Variants in ARHGAP17 observed in about 807,000 individuals in gnomAD.
ARHGAP17 encodes the protein rho GTPase-activating protein 17.
In ARHGAP17, 57 loss-of-function variants were observed where a neutral mutation model predicts 99.5. That is an observed-to-expected ratio of 0.57 (90% CI 0.46 to 0.71). ARHGAP17 has a LOEUF of 0.71. Ranked by LOEUF, ARHGAP17 falls within the 30% of genes least tolerant of loss-of-function variation. ARHGAP17 has a pLI of 0.00. For missense variants in ARHGAP17, 1,000 were observed against 1,122.4 expected (o/e 0.89, Z 1.56); for synonymous variants, 417 against 429.6 (o/e 0.97, Z 0.36).
At chr16:24,972,967 C>T (rs921698369) in intron 3 of ARHGAP17, among the ~76,000 whole-genome samples, 23 of 150,708 alleles carry the variant, frequency 1.5e-4, no homozygotes, top group African/African-American at 5.6e-4. Context: ...CAGGGTCTGG[C>T]TCTGTTGCCC....
intron 14 of ARHGAP17, among the ~76,000 whole-genome samples, chr16:24,945,288 A>T (rs550491076): frequency 5.9e-4 from 90 of 151,784 alleles, no homozygotes; most frequent in African/African-American, 2.1e-3. Context: ...ACACCACTGC[A>T]CTCCAGCCTG....
chr16:24,931,610 A>C (rs1354295530), intron 18 of ARHGAP17, among the ~76,000 whole-genome samples: 1 of 152,110 alleles, frequency 6.6e-6, no homozygotes, highest in Non-Finnish European at 1.5e-5. Flanking sequence ...ACACAAATTG[A>C]AGGCCTTTCT....
chr16:25,003,387 A>G (rs2053423656), intron 1 of ARHGAP17, among the ~76,000 whole-genome samples: 1 of 151,704 alleles, frequency 6.6e-6, no homozygotes, highest in African/African-American at 2.4e-5. Context: ...GGTGTGCACC[A>G]CAATGCCTGG....
intron 16 of ARHGAP17, among the ~76,000 whole-genome samples, chr16:24,940,583 C>A (rs1392743354): frequency 6.6e-6 from 1 of 152,078 alleles, no homozygotes; most frequent in Non-Finnish European, 1.5e-5. Flanking sequence ...TGCCTATAGT[C>A]CCAGCTAGTC....
chr16:24,929,391 C>T (rs1172605649), intron 19 of ARHGAP17, among the ~76,000 whole-genome samples: 2 of 152,164 alleles, frequency 1.3e-5, no homozygotes, highest in East Asian at 3.8e-4. Context: ...CTACTGACAT[C>T]TACTCCTCGA....
intron 19 of ARHGAP17, 60 bp from the exon 20 acceptor site, chr16:24,920,320 G>A: frequency 6.3e-7 from 1 of 1,595,692 alleles, no homozygotes; most frequent in Non-Finnish European, 8.6e-7. Context: ...GAGGCCACCT[G>A]AGGGTGCTCT....
At chr16:24,927,504 C>T (rs1353508914) in intron 19 of ARHGAP17, among the ~76,000 whole-genome samples, 1 of 152,204 alleles carries the variant, frequency 6.6e-6, no homozygotes, top group African/African-American at 2.4e-5. Context: ...TGGGTACACA[C>T]TTAGTATTCC....
At position 24,929,561 on chromosome 16, in the gene ARHGAP17, T is replaced by C. The variant is rs1041944742; in HGVS notation, c.2515+1223A>G. The C allele has an allele frequency of 3.3e-5, 32 of 981,792 alleles. No individual in the cohort carries two copies. The South Asian group carries it at 3.8e-4, about 12-fold the overall frequency. 60.8% of individuals were successfully genotyped at this position (981,792 alleles called of 1,614,324 possible). A position where few individuals can be genotyped will look rare whatever the true frequency, so the allele number is the denominator to read the frequency against. ...TGCAAAACACGGCTAAGCAGGAGCATTTGGAGCTGTGGGGCGAGCTATGGG... is the reference window on the plus strand; with the variant it reads ...TGCAAAACACGGCTAAGCAGGAGCACTTGGAGCTGTGGGGCGAGCTATGGG... On this transcript the variant is annotated intron_variant, in intron 19 of 19. Coordinates refer to ENST00000289968, the MANE Select transcript of ARHGAP17 (RefSeq NM_001006634.3).
At chr16:24,982,986 ATATATATATATTTTTTT>A (rs1297035516) in intron 1 of ARHGAP17, among the ~76,000 whole-genome samples, 22 of 28,942 alleles carry the variant, frequency 7.6e-4, no homozygotes, top group East Asian at 1.9e-3. Context: ...ATATATATAT[ATATATATATATTTTTTT>A]TTTTTTTTTT....
At chr16:24,939,799 G>A (rs943868498) in intron 16 of ARHGAP17, 1 of 614,292 alleles carries the variant, frequency 1.6e-6, no homozygotes, top group Non-Finnish European at 2.9e-6. Context: ...AATGAACCTG[G>A]TACTGTTCAA....
At chr16:25,009,949 G>A (rs2053601084) in intron 1 of ARHGAP17, among the ~76,000 whole-genome samples, 1 of 152,190 alleles carries the variant, frequency 6.6e-6, no homozygotes, top group Non-Finnish European at 1.5e-5. Flanking sequence ...CTTCCCTGGT[G>A]AAGAGGCAGC....
intron 1 of ARHGAP17, among the ~76,000 whole-genome samples, chr16:25,004,210 G>A (rs2053447307): frequency 6.6e-6 from 1 of 152,138 alleles, no homozygotes; most frequent in Non-Finnish European, 1.5e-5. Context: ...AGTTGTTTGA[G>A]GCCAGGAGTT....
At chr16:24,998,533 G>A (rs1405081565) in intron 1 of ARHGAP17, among the ~76,000 whole-genome samples, 2 of 152,184 alleles carry the variant, frequency 1.3e-5, no homozygotes, top group African/African-American at 4.8e-5. Flanking sequence ...GGTCATCCAA[G>A]GAGAGAGGGT....
In ARHGAP17 at chr16:24,930,942, G is replaced by GCATGTGGCTGTGCAA. The variant is rs1382938180; in HGVS notation, c.2356_2357insTTGCACAGCCACATG (p.Thr786delinsIleAlaGlnProHisAla). Reference sequence around the variant, plus strand: ...TAAGGTTCCAGCATGTGGCTGTGCAGTTTCAGGGTTACCCCCTGCCAGGGT... The same window carrying GCATGTGGCTGTGCAA: ...TAAGGTTCCAGCATGTGGCTGTGCAGCATGTGGCTGTGCAATTTCAGGGTTACCCCCTGCCAGGGT... On this transcript the variant is annotated protein_altering_variant, in exon 19 of 20. Coordinates refer to ENST00000289968, the MANE Select transcript of ARHGAP17 (RefSeq NM_001006634.3). The GCATGTGGCTGTGCAA allele has an allele frequency of 6.2e-7, 1 of 1,613,898 alleles. No homozygotes were observed. Among genetic ancestry groups the GCATGTGGCTGTGCAA allele is most frequent in the East Asian group, 2.2e-5 (1 of 44,886 alleles).
chr16:24,919,736 G>A lies in ARHGAP17; in HGVS notation c.*394C>T, dbSNP rs541343506. The A allele has an allele frequency of 1.7e-4, 26 of 156,664 alleles. No homozygotes were observed. The highest frequency in any genetic ancestry group is 3.7e-4 in the East Asian group (2 of 5,374). 9.7% of individuals were successfully genotyped at this position (156,664 alleles called of 1,614,324 possible). On this transcript the variant is annotated 3_prime_UTR_variant, in exon 20 of 20. Transcript: ENST00000289968. ...AGAGTAGGCGACTTGCATAATGAGC[G>A]CATTTTATTAAATAGATAGTTAACG...
In ARHGAP17 at chr16:24,946,814, TTGTC is replaced by T. The variant is rs1220537142; in HGVS notation, c.1241+664_1241+667del. Among the ~76,000 whole-genome samples, 11 of 152,338 alleles carry T rather than the reference TTGTC, an allele frequency of 7.2e-5. No homozygotes were observed. In the East Asian group the frequency reaches 1.9e-3, roughly 27 times the overall value. ...ACTAACTGCCCTAGCCCATGCTCCT[TTGTC>T]TGGTCACGTTTTCACAATTTACTTT... On this transcript the variant is annotated intron_variant, in intron 14 of 19. Transcript: ENST00000289968.
chr16:24,960,960 C>T (rs2051976940), intron 7 of ARHGAP17, among the ~76,000 whole-genome samples: 1 of 152,122 alleles, frequency 6.6e-6, no homozygotes, highest in Admixed American at 6.5e-5. Flanking sequence ...AAACCTCCAC[C>T]TCCCGGGTTC....
At chr16:24,949,671 C>T (rs893427230) in intron 12 of ARHGAP17, among the ~76,000 whole-genome samples, 187 bp from the exon 13 acceptor site, 1 of 152,212 alleles carries the variant, frequency 6.6e-6, no homozygotes, top group African/African-American at 2.4e-5. Context: ...AGTTGGTTAA[C>T]CTTCAATCTC....
intron 1 of ARHGAP17, among the ~76,000 whole-genome samples, chr16:24,985,643 C>A (rs533555053): frequency 6.6e-6 from 1 of 152,264 alleles, no homozygotes; most frequent in South Asian, 2.1e-4. Flanking sequence ...AATTTTAATC[C>A]CATCTCCAAA....
Sources: gnomAD v4.1 joint callset for allele counts (sites outside exome capture counted in the v4.1 genomes callset) on GRCh38, gnomAD v4.1.1 for gene constraint, MANE v1.5 for transcripts, NCBI Gene and HGNC (gene_info 2026-07-23, HGNC 2026-07-21) for gene names.